The following COL23A1 variants were observed in gnomAD, a reference collection of about 807,000 sequenced individuals.
The protein encoded by COL23A1 is collagen alpha-1(XXIII) chain.
In COL23A1, 97 loss-of-function variants were observed where a neutral mutation model predicts 99.3. The ratio of observed to expected loss-of-function variants is 0.98; its 90% CI spans 0.83 to 1.16. COL23A1 has a LOEUF of 1.16. Ranked by LOEUF, COL23A1 falls within the 50% of genes most tolerant of loss-of-function variation. The pLI, the probability that COL23A1 is intolerant of heterozygous loss-of-function variation, is 0.00. For synonymous variants in COL23A1, 320 were observed against 308.2 expected (o/e 1.04, Z -0.40); for missense variants, 762 against 757.4 (o/e 1.01, Z -0.07).
At chr5:178,426,470 G>A (rs1765942814) in intron 2 of COL23A1, among the ~76,000 whole-genome samples, 1 of 152,220 alleles carries the variant, frequency 6.6e-6, no homozygotes, top group African/African-American at 2.4e-5. Flanking sequence ...TCCCACGCAT[G>A]TCCCACTGCC....
chr5:178,508,599 A>G (rs1759014004), intron 2 of COL23A1, among the ~76,000 whole-genome samples: 1 of 152,174 alleles, frequency 6.6e-6, no homozygotes, highest in Non-Finnish European at 1.5e-5. Flanking sequence ...ATATCCAAAG[A>G]AGAAAGAGGT....
At chr5:178,367,107 C>T (rs1251159616) in intron 2 of COL23A1, among the ~76,000 whole-genome samples, 1 of 152,312 alleles carries the variant, frequency 6.6e-6, no homozygotes, top group African/African-American at 2.4e-5. Context: ...AATTCAGTTG[C>T]GGTCACGTCA....
chr5:178,416,756 C>G (rs1765333479), intron 2 of COL23A1, among the ~76,000 whole-genome samples: 1 of 152,120 alleles, frequency 6.6e-6, no homozygotes, highest in African/African-American at 2.4e-5. Context: ...CTGATGAGAT[C>G]TGGAGTGGGA....
intron 2 of COL23A1, among the ~76,000 whole-genome samples, chr5:178,502,353 G>T (rs567733684): frequency 6.6e-6 from 1 of 152,260 alleles, no homozygotes; most frequent in African/African-American, 2.4e-5. Context: ...GGATGGTCTC[G>T]ATCTTCTGAC....
chr5:178,556,668 A>AAATAAAATAAAATT lies in COL23A1; in HGVS notation c.361+4013_361+4014insAATTTTATTTTATT, dbSNP rs1762292371. ...AAATAAAATAAAATAAAATAAAATA[A>AAATAAAATAAAATT]AAAAGCTGAGTGTGGTAGCTCATGC... On this transcript the variant is annotated intron_variant, in intron 2 of 28. Coordinates refer to ENST00000390654, the MANE Select transcript of COL23A1 (RefSeq NM_173465.4). 6.8e-5 allele frequency among the ~76,000 whole-genome samples: 10 copies of AAATAAAATAAAATT among 147,336 alleles called. 1 individual carries two copies. In the South Asian group the frequency reaches 2.1e-3, roughly 31 times the overall value.
At chr5:178,520,882 G>A (rs1013685715) in intron 2 of COL23A1, among the ~76,000 whole-genome samples, 2 of 152,188 alleles carry the variant, frequency 1.3e-5, no homozygotes, top group African/African-American at 4.8e-5. Context: ...AGAATTTATA[G>A]GAATAATTTA....
chr5:178,502,192 CGT>C (rs1758582788), intron 2 of COL23A1, among the ~76,000 whole-genome samples: 3 of 152,154 alleles, frequency 2.0e-5, no homozygotes, highest in East Asian at 1.9e-4. Context: ...AGTGCAGTGG[CGT>C]GATCTCGGCC....
Position 178,242,135 on chromosome 5 carries a change from AGGAGGGGAGAT to A in COL23A1, c.1495-18_1495-8del. Reference sequence around the variant, plus strand: ...CGGGGACCCCTCGTTCTCCCTGTGCAGGAGGGGAGATGGTGGTATTGGTCATGGCTGCCAGG... The same window carrying A: ...CGGGGACCCCTCGTTCTCCCTGTGCAGGTGGTATTGGTCATGGCTGCCAGG... On this transcript the variant is annotated splice_region_variant and splice_polypyrimidine_tract_variant and intron_variant, in intron 26 of 28. Transcript: ENST00000390654. The A allele has an allele frequency of 6.4e-7, 1 of 1,551,244 alleles. No homozygotes were observed. Among genetic ancestry groups the A allele is most frequent in the Non-Finnish European group, 8.7e-7 (1 of 1,146,818 alleles).
In COL23A1 at chr5:178,272,267, T is replaced by C. The variant is rs140043502; in HGVS notation, c.442-1904A>G. Among the ~76,000 whole-genome samples, 3 of 152,182 alleles carry C rather than the reference T, an allele frequency of 2.0e-5. No homozygotes were observed. In the East Asian group the frequency reaches 5.8e-4, roughly 29 times the overall value. The stretch of plus-strand genomic sequence containing the variant: ...GGGAGCTGGCCTCGTGCCTGCCAGG[T>C]AGGAGGTAAGCTGCTGGCTTCCCTG... On this transcript the variant is annotated intron_variant, in intron 5 of 28. Transcript: ENST00000390654.
chr5:178,517,656 G>A (rs1193090290), intron 2 of COL23A1, among the ~76,000 whole-genome samples: 1 of 145,226 alleles, frequency 6.9e-6, no homozygotes, highest in Non-Finnish European at 1.5e-5. Context: ...CCAACTCCCT[G>A]GTTCAAGCGA....
intron 2 of COL23A1, among the ~76,000 whole-genome samples, chr5:178,338,478 G>A (rs891518823): frequency 7.2e-5 from 11 of 152,308 alleles, no homozygotes; most frequent in African/African-American, 1.7e-4. Context: ...CGCCGCTGCC[G>A]TCATCCTGGA....
intron 2 of COL23A1, among the ~76,000 whole-genome samples, chr5:178,342,902 C>T (rs1760748603): frequency 2.0e-5 from 3 of 152,132 alleles, no homozygotes; most frequent in Admixed American, 6.5e-5. Context: ...AGAGAGATGC[C>T]TAAAAGTCCC....
At chr5:178,288,796 C>CG (rs11399497) in intron 4 of COL23A1, among the ~76,000 whole-genome samples, 25,696 of 152,032 alleles carry the variant, frequency 0.17, 2,673 homozygotes, top group East Asian at 0.44. Context: ...CCAGGAATAT[C>CG]GGGGGGCGTT....
rs1187374777 is a variant in COL23A1, at chr5:178,242,047, G to A, written c.1576C>T (p.Pro526Ser). The change falls in exon 27 of 29, where the codon CCC becomes TCC. Residue 526 changes from proline (P) to serine (S), a missense_variant. Physicochemically the swap from Pro to Ser is moderately conservative, Grantham distance 74. Transcript: ENST00000390654. ...PGPPGLDQPC[P>S]VGPDGLPVPG... ...GGCCCTCCTCCGACACCTACCACGGGACACGGCTGGTCCAGGCCTGGTGGT... is the reference window on the plus strand; with the variant it reads ...GGCCCTCCTCCGACACCTACCACGGAACACGGCTGGTCCAGGCCTGGTGGT... 3 of 1,554,134 alleles carry A rather than the reference G, an allele frequency of 1.9e-6. No individual in the cohort carries two copies. The highest frequency in any genetic ancestry group is 2.6e-6 in the Non-Finnish European group (3 of 1,148,204).
At position 178,590,001 on chromosome 5, in the gene COL23A1, G is replaced by A. The variant is rs1015934351; in HGVS notation, c.197C>T (p.Ala66Val). ...VQAAALQGRV[A>V]ALEEERELLR... The stretch of plus-strand genomic sequence containing the variant: ...CAGCTCCCGCTCCTCCTCGAGCGCC[G>A]CCACCCGGCCCTGCAGCGCGGCCGC... The change falls in exon 1 of 29, where the codon GCG (alanine) becomes GTG (valine). Residue 66 changes from alanine (A) to valine (V), a missense_variant. Physicochemically the swap from Ala to Val is moderately conservative, Grantham distance 64 (BLOSUM62 0). Transcript: ENST00000390654. The surrounding 1 kb of genome is among the most constrained non-coding windows in gnomAD (Gnocchi z 5.7). The A allele has an allele frequency of 3.7e-6, 5 of 1,345,300 alleles. No homozygotes were observed. The highest frequency in any genetic ancestry group is 2.9e-6 in the Non-Finnish European group (3 of 1,052,156). The allele number at this position is 1,345,300 out of a possible 1,614,324, so 83.3% of individuals were successfully genotyped here. A position where few individuals can be genotyped will look rare whatever the true frequency, so the allele number is the denominator to read the frequency against.
chr5:178,399,986 G>A (rs1764350003), intron 2 of COL23A1, among the ~76,000 whole-genome samples: 2 of 152,208 alleles, frequency 1.3e-5, no homozygotes, highest in African/African-American at 4.8e-5. Flanking sequence ...GGAGTTGATC[G>A]ATATTTGTTG....
At chr5:178,578,200 A>G (rs1293258592) in intron 1 of COL23A1, among the ~76,000 whole-genome samples, 3 of 151,642 alleles carry the variant, frequency 2.0e-5, no homozygotes, top group African/African-American at 7.3e-5. Flanking sequence ...ACGTGCACAC[A>G]TACACCCATG....
intron 2 of COL23A1, among the ~76,000 whole-genome samples, chr5:178,414,636 G>T (rs1406375870): frequency 6.6e-6 from 1 of 152,142 alleles, no homozygotes; most frequent in East Asian, 1.9e-4. Flanking sequence ...GCTGGGCATG[G>T]TAGTGTGTGC....
chr5:178,296,998 A>G (rs1426045257), intron 3 of COL23A1, among the ~76,000 whole-genome samples: 3 of 152,218 alleles, frequency 2.0e-5, no homozygotes, highest in Admixed American at 1.3e-4. Context: ...CCCACGGCAC[A>G]CGGAATGAAA....
Sources: gnomAD v4.1 joint callset for allele counts (sites outside exome capture counted in the v4.1 genomes callset) on GRCh38, gnomAD v4.1.1 for gene constraint, Gnocchi (gnomAD v3.1) non-coding constraint, MANE v1.5 for transcripts, NCBI Gene and HGNC (gene_info 2026-07-23, HGNC 2026-07-21) for gene names.